Variants in NCOA3 observed in about 807,000 individuals in gnomAD.
NCOA3 encodes CBP-interacting protein.
In NCOA3, 51 loss-of-function variants were observed where a neutral mutation model predicts 158.8. That is an observed-to-expected ratio of 0.32 (90% CI 0.26 to 0.41). The LOEUF is 0.41. Ranked by LOEUF, NCOA3 falls within the 10% of genes least tolerant of loss-of-function variation. The pLI is 1.00. For missense variants in NCOA3, 1,510 were observed against 1,746.6 expected (o/e 0.86, Z 2.41); for synonymous variants, 537 against 592.4 (o/e 0.91, Z 1.36).
At chr20:47,525,715 G>A (rs1463498532) in intron 1 of NCOA3, among the ~76,000 whole-genome samples, 2 of 113,744 alleles carry the variant, frequency 1.8e-5, no homozygotes, top group South Asian at 2.8e-4. Context: ...GCGGGGGGCT[G>A]ACCCCCCCAC....
chr20:47,543,932 A>G (rs2084784911), intron 1 of NCOA3, among the ~76,000 whole-genome samples: 1 of 152,224 alleles, frequency 6.6e-6, no homozygotes, highest in Admixed American at 6.5e-5. Flanking sequence ...GTTTACTAGT[A>G]TTCTCCTGTG....
intron 16 of NCOA3, among the ~76,000 whole-genome samples, chr20:47,640,393 A>T (rs1310631751): frequency 6.6e-6 from 1 of 152,218 alleles, no homozygotes; most frequent in East Asian, 1.9e-4. Flanking sequence ...GGTTTTATAA[A>T]TGTTCTTCAG....
chr20:47,525,871 C>T (rs1352241086), intron 1 of NCOA3, among the ~76,000 whole-genome samples: 5 of 130,558 alleles, frequency 3.8e-5, no homozygotes, highest in African/African-American at 1.2e-4. Flanking sequence ...CCGGATGGGG[C>T]GGCTGGCCGG....
chr20:47,520,015 G>C (rs1424175029), intron 1 of NCOA3, among the ~76,000 whole-genome samples: 2 of 123,458 alleles, frequency 1.6e-5, no homozygotes, highest in Non-Finnish European at 3.1e-5. Flanking sequence ...GCCGGCTTCA[G>C]CCTCCCAATG....
intron 1 of NCOA3, among the ~76,000 whole-genome samples, chr20:47,518,504 A>G (rs1602332339): frequency 1.3e-5 from 2 of 149,176 alleles, no homozygotes; most frequent in South Asian, 2.1e-4. Context: ...GCTCACTGCA[A>G]CCTCCACCTC....
At chr20:47,587,136 C>T (rs867167146) in intron 2 of NCOA3, among the ~76,000 whole-genome samples, 2 of 152,138 alleles carry the variant, frequency 1.3e-5, no homozygotes, top group Non-Finnish European at 1.5e-5. Flanking sequence ...CATTACCCGT[C>T]GGATCTTGGC....
At chr20:47,652,324 AAAAC>A (rs2086808781) in intron 20 of NCOA3, 78 bp from the exon 21 acceptor site, 1 of 1,364,208 alleles carries the variant, frequency 7.3e-7, no homozygotes, top group Non-Finnish European at 1.0e-6. Context: ...CTTTAAAAAA[AAAAC>A]AAAATTACTA....
At chr20:47,584,961 T>A (rs555276938) in intron 2 of NCOA3, among the ~76,000 whole-genome samples, 50 of 152,208 alleles carry the variant, frequency 3.3e-4, no homozygotes, top group African/African-American at 1.2e-3. Flanking sequence ...TAGCCTAACT[T>A]ACATTTGCTG....
intron 1 of NCOA3, among the ~76,000 whole-genome samples, chr20:47,549,076 C>T (rs1349068659): frequency 6.6e-6 from 1 of 151,936 alleles, no homozygotes; most frequent in African/African-American, 2.4e-5. Flanking sequence ...GGGGGTCTCA[C>T]CACGTTGCCT....
chr20:47,538,406 G>A (rs2084669317), intron 1 of NCOA3, among the ~76,000 whole-genome samples: 1 of 152,194 alleles, frequency 6.6e-6, no homozygotes, highest in Non-Finnish European at 1.5e-5. Flanking sequence ...GTTTAAGAGA[G>A]TCTGATGTTC....
intron 2 of NCOA3, among the ~76,000 whole-genome samples, chr20:47,615,858 C>G (rs2086122970): frequency 6.6e-6 from 1 of 152,236 alleles, no homozygotes; most frequent in Admixed American, 6.5e-5. Flanking sequence ...TGTTACTATT[C>G]TACATTAAAG....
At chr20:47,600,206 G>T (rs905923246) in intron 2 of NCOA3, among the ~76,000 whole-genome samples, 2 of 146,662 alleles carry the variant, frequency 1.4e-5, no homozygotes, top group African/African-American at 2.5e-5. Context: ...ATGGAGTCTT[G>T]CTGTGTTGCC....
intron 18 of NCOA3, among the ~76,000 whole-genome samples, chr20:47,648,047 T>C (rs1011451353): frequency 6.6e-6 from 1 of 151,810 alleles, no homozygotes; most frequent in African/African-American, 2.4e-5. Flanking sequence ...CCCGAGTAGC[T>C]GGGGAGCCAC....
chr20:47,597,773 G>T lies in NCOA3; in HGVS notation c.-20+14512G>T, dbSNP rs190234592. 4.4e-3 allele frequency among the ~76,000 whole-genome samples: 666 copies of T among 151,800 alleles called. 5 individuals are homozygous for T. Among genetic ancestry groups the T allele is most frequent in the African/African-American group, 0.016 (645 of 41,440 alleles). On this transcript the variant is annotated intron_variant, in intron 2 of 22. Transcript: ENST00000371998. ...CAAAGTGCTGGGATTACAGGTGTGA[G>T]CCACCGCACCTGGCCTAACCTTTCC... is the stretch of plus-strand genomic sequence containing the variant.
intron 1 of NCOA3, among the ~76,000 whole-genome samples, chr20:47,580,021 T>G (rs2146215608): frequency 6.6e-6 from 1 of 152,334 alleles, no homozygotes; most frequent in Non-Finnish European, 1.5e-5. Flanking sequence ...TTTGATCATT[T>G]AGATTCCACC....
chr20:47,652,693 A>C, intron 21 of NCOA3, 113 bp downstream of exon 21: 5 of 1,099,358 alleles, frequency 4.5e-6, no homozygotes, highest in Non-Finnish European at 6.5e-6. Flanking sequence ...GACTGGGTTC[A>C]TATTAGAAGG....
intron 1 of NCOA3, among the ~76,000 whole-genome samples, chr20:47,532,001 G>C (rs1327279997): frequency 1.3e-5 from 2 of 151,834 alleles, no homozygotes; most frequent in African/African-American, 4.8e-5. Context: ...AATTTATTCT[G>C]CAAAAATTTA....
chr20:47,612,118 C>T (rs2086054923), intron 2 of NCOA3, among the ~76,000 whole-genome samples: 1 of 152,198 alleles, frequency 6.6e-6, no homozygotes, highest in African/African-American at 2.4e-5. Flanking sequence ...TGAGCCACCA[C>T]ACCCAGCCAA....
At chr20:47,569,553 G>A (rs1568690404) in intron 1 of NCOA3, among the ~76,000 whole-genome samples, 1 of 149,882 alleles carries the variant, frequency 6.7e-6, no homozygotes, top group Non-Finnish European at 1.5e-5. Context: ...ACATGGTGGA[G>A]GCGCCTGTAA....
Sources: gnomAD v4.1 joint callset for allele counts (sites outside exome capture counted in the v4.1 genomes callset) on GRCh38, gnomAD v4.1.1 for gene constraint, MANE v1.5 for transcripts, NCBI Gene and HGNC (gene_info 2026-07-23, HGNC 2026-07-21) for gene names.